TNPO1: variants seen among roughly 807,000 people sequenced by gnomAD.
TNPO1 encodes transportin 1, also known as transportin-1.
Under a neutral mutation model 119.5 loss-of-function variants are expected in TNPO1, and 8 were observed. The observed-to-expected ratio is 0.07, with a 90% CI of 0.04 to 0.12. The LOEUF (loss-of-function observed/expected upper bound fraction) is 0.12. TNPO1 is among the 10% of genes least tolerant of loss of function. The pLI, the probability that TNPO1 is intolerant of heterozygous loss-of-function variation, is 1.00. For synonymous variants in TNPO1, 362 were observed against 363.0 expected, an observed-to-expected ratio of 1.00 and a Z score of 0.03; for missense variants, 576 against 1,089.8, an observed-to-expected ratio of 0.53 and a Z score of 6.64.
chr5:72,857,458 T>C (rs2112290744), intron 4 of TNPO1, among the ~76,000 whole-genome samples: 1 of 152,332 alleles, frequency 6.6e-6, no homozygotes, highest in African/African-American at 2.4e-5. Context: ...TTACATTTGA[T>C]GGGTAGAGGA....
intron 23 of TNPO1, among the ~76,000 whole-genome samples, 191 bp downstream of exon 23, chr5:72,903,974 C>G (rs1350419812): frequency 6.6e-6 from 1 of 152,160 alleles, no homozygotes; most frequent in Non-Finnish European, 1.5e-5. Context: ...TGACTCTTAT[C>G]TGTAGAGGAT....
chr5:72,857,112 G>A (rs1381605379), intron 4 of TNPO1, among the ~76,000 whole-genome samples: 1 of 152,104 alleles, frequency 6.6e-6, no homozygotes, highest in African/African-American at 2.4e-5. Flanking sequence ...CTGAGGTCAG[G>A]AGTTCGAGAC....
chr5:72,881,567 G>A (rs541884946), intron 9 of TNPO1, among the ~76,000 whole-genome samples: 8 of 152,302 alleles, frequency 5.3e-5, no homozygotes, highest in East Asian at 3.9e-4. Flanking sequence ...GTCTTCAACC[G>A]CAAGTGGTCT....
intron 1 of TNPO1, 78 bp downstream of exon 1, chr5:72,816,830 C>T: frequency 6.7e-7 from 1 of 1,496,052 alleles, no homozygotes; most frequent in Non-Finnish European, 9.0e-7. Flanking sequence ...GCCTGACGCG[C>T]CTACGGGAGA....
At chr5:72,878,491 G>T (rs1747985776) in intron 9 of TNPO1, 3 of 152,760 alleles carry the variant, frequency 2.0e-5, no homozygotes, top group African/African-American at 2.4e-5. Flanking sequence ...TCATAGTAAA[G>T]GGTTTTTTTT....
chr5:72,868,458 A>AAAAAAAAAAAAAAAC (rs1554052270), intron 6 of TNPO1, among the ~76,000 whole-genome samples: 2 of 113,318 alleles, frequency 1.8e-5, no homozygotes, highest in Non-Finnish European at 4.3e-5. Flanking sequence ...AAAAAAAAAA[A>AAAAAAAAAAAAAAAC]ACACAAAATA....
intron 1 of TNPO1, among the ~76,000 whole-genome samples, chr5:72,833,871 T>C (rs1383908071): frequency 1.3e-5 from 2 of 152,230 alleles, no homozygotes; most frequent in African/African-American, 2.4e-5. Flanking sequence ...CTGTTTTTTG[T>C]ACTAAACTTT....
chr5:72,863,900 C>T (rs886292414), intron 5 of TNPO1, among the ~76,000 whole-genome samples: 1 of 152,084 alleles, frequency 6.6e-6, no homozygotes, highest in Non-Finnish European at 1.5e-5. Flanking sequence ...CAAGTGCTTT[C>T]CAAGAATAAA....
chr5:72,859,651 T>A (rs1330055177), intron 4 of TNPO1, among the ~76,000 whole-genome samples: 2 of 152,198 alleles, frequency 1.3e-5, no homozygotes, highest in Admixed American at 1.3e-4. Context: ...GATGTTTCTC[T>A]TGTTTAGAGA....
rs114823138 is a variant in TNPO1, at chr5:72,819,678, T to C, written c.15+2926T>C. 8.4e-3 allele frequency among the ~76,000 whole-genome samples: 1,276 copies of C among 152,352 alleles called. 14 individuals are homozygous for C. The highest frequency in any genetic ancestry group is 0.029 in the African/African-American group (1,210 of 41,578). On this transcript the variant is annotated intron_variant, in intron 1 of 24. Coordinates refer to ENST00000337273, the MANE Select transcript of TNPO1 (RefSeq NM_002270.4). ...TGAGACCATAAAGTTGGGATTGATA[T>C]ATGCCTTTTTAATGGTTAAATTTTT...
At chr5:72,886,447 C>T (rs979488094) in intron 11 of TNPO1, among the ~76,000 whole-genome samples, 1 of 152,034 alleles carries the variant, frequency 6.6e-6, no homozygotes, top group Non-Finnish European at 1.5e-5. Flanking sequence ...ATGAGTGTAT[C>T]ATATTGAATG....
In TNPO1 at chr5:72,905,443, G is replaced by C; in HGVS notation, c.*33G>C. On this transcript the variant is annotated splice_region_variant and 3_prime_UTR_variant, in exon 24 of 25. Transcript: ENST00000337273. ...CACTTAAGCTGCAGTCCCAAAATTAGGGGTAAGTTATAAGAAGTTTGGAAA... is the reference window on the plus strand; with the variant it reads ...CACTTAAGCTGCAGTCCCAAAATTACGGGTAAGTTATAAGAAGTTTGGAAA... 1 of 1,478,452 alleles carries C rather than the reference G, an allele frequency of 6.8e-7. No individual in the cohort carries two copies. Among genetic ancestry groups the C allele is most frequent in the South Asian group, 1.2e-5 (1 of 81,916 alleles). 91.6% of individuals were successfully genotyped at this position (1,478,452 alleles called of 1,614,324 possible). A position where few individuals can be genotyped will look rare whatever the true frequency, so the allele number is the denominator to read the frequency against.
chr5:72,878,323 GTT>G (rs1052820917), intron 9 of TNPO1, among the ~76,000 whole-genome samples: 1 of 151,556 alleles, frequency 6.6e-6, no homozygotes, highest in East Asian at 1.9e-4. Flanking sequence ...GCATTTTAAT[GTT>G]TTTTCACAAT....
intron 1 of TNPO1, among the ~76,000 whole-genome samples, chr5:72,836,888 T>C (rs1289517849): frequency 6.6e-6 from 1 of 152,172 alleles, no homozygotes; most frequent in Non-Finnish European, 1.5e-5. Flanking sequence ...AAGAATGGCC[T>C]TTCCTCTAGT....
intron 14 of TNPO1, among the ~76,000 whole-genome samples, chr5:72,890,768 A>G (rs1020959975): frequency 5.9e-5 from 9 of 152,238 alleles, no homozygotes; most frequent in African/African-American, 1.7e-4. Context: ...TTGTTTTTCT[A>G]CAAAAGCATC....
rs552285524 is a variant in TNPO1 at position 72,882,890 on chromosome 5, C to T, written c.982-174C>T. 2.6e-5 allele frequency among the ~76,000 whole-genome samples: 4 copies of T among 152,208 alleles called. No individual in the cohort carries two copies. The South Asian group carries it at 8.3e-4, about 32-fold the overall frequency. On this transcript the variant is annotated intron_variant, in intron 10 of 24. Transcript: ENST00000337273. ...AACAGGTGTGTTAGGTCAGTCTATT[C>T]GCCCCTCCATAAGGAATATGTTCTG...
At chr5:72,847,211 GGTA>G (rs1406560781) in intron 1 of TNPO1, among the ~76,000 whole-genome samples, 18 of 152,208 alleles carry the variant, frequency 1.2e-4, no homozygotes, top group African/African-American at 3.6e-4. Flanking sequence ...GAGGTGGAAA[GGTA>G]GTAGTTTTTT....
At chr5:72,819,435 A>C (rs1002578570) in intron 1 of TNPO1, among the ~76,000 whole-genome samples, 1 of 152,226 alleles carries the variant, frequency 6.6e-6, no homozygotes, top group Non-Finnish European at 1.5e-5. Context: ...GGGTCCTTTG[A>C]AGTACTGTAA....
At chr5:72,818,861 CA>C (rs1284561613) in intron 1 of TNPO1, among the ~76,000 whole-genome samples, 1 of 152,186 alleles carries the variant, frequency 6.6e-6, no homozygotes, top group Non-Finnish European at 1.5e-5. Context: ...GGATCAGAAA[CA>C]GTGAAATTCC....
Sources: allele counts gnomAD v4.1 joint callset (sites outside exome capture counted in the v4.1 genomes callset), GRCh38; gene constraint gnomAD v4.1.1; transcripts MANE v1.5; gene names NCBI Gene and HGNC (gene_info 2026-07-23, HGNC 2026-07-21).